Variants in CHCHD5 observed in about 807,000 individuals in gnomAD.
CHCHD5 encodes coiled-coil-helix-coiled-coil-helix domain-containing protein 5.
CHCHD5 carries 10 observed loss-of-function variants against 16.0 expected under a neutral mutation model. The ratio of observed to expected loss-of-function variants is 0.63; its 90% CI spans 0.39 to 1.06. The LOEUF is 1.06. CHCHD5 is among the 50% of genes least tolerant of loss of function. The probability of loss-of-function intolerance (pLI) is 0.01; values close to 1 mark genes in which losing one functional copy is unlikely to be tolerated. For synonymous variants in CHCHD5, 55 were observed against 56.3 expected (o/e 0.98, Z 0.10); for missense variants, 163 against 153.4 (o/e 1.06, Z -0.33).
Position 112,586,215 on chromosome 2 carries a change from G to A in CHCHD5, c.159G>A (p.Gln53=). The change falls in exon 3 of 4, where the codon CAG becomes CAA. Residue 53 remains glutamine (Q), a synonymous_variant. Transcript: ENST00000324913. ...ACCCCCACAGCCCAATCATCCGCCAGATCCGCCAGGCCTGTGCTCAGCCTT... is the reference window on the plus strand; with the variant it reads ...ACCCCCACAGCCCAATCATCCGCCAAATCCGCCAGGCCTGTGCTCAGCCTT... ...QCTSSHPIIR[Q]IRQACAQPFE... is the part of the protein sequence containing the mutation. 6.2e-7 allele frequency: 1 copy of A among 1,610,060 alleles called. No individual in the cohort carries two copies. Among genetic ancestry groups the A allele is most frequent in the East Asian group, 2.2e-5 (1 of 44,746 alleles).
chr2:112,587,195 C>G (rs1685251294), intron 3 of CHCHD5: 1 of 153,890 alleles, frequency 6.5e-6, no homozygotes, highest in African/African-American at 2.4e-5. Flanking sequence ...TCCAGTCATT[C>G]TTGGTGATCA....
chr2:112,586,766 G>T, intron 3 of CHCHD5: 1 of 620,022 alleles, frequency 1.6e-6, no homozygotes, highest in Non-Finnish European at 2.7e-6. Context: ...TTCTTCCCTA[G>T]GCTGACTTCA....
At chr2:112,584,580 A>T (rs1685143963), upstream of CHCHD5, 2 of 1,609,414 alleles carry the variant, frequency 1.2e-6, no homozygotes, top group Non-Finnish European at 1.7e-6. Context: ...GGGCGCCGCC[A>T]TGACAACCGA....
chr2:112,588,934 C>A lies in CHCHD5; in HGVS notation c.*45C>A. 1 of 1,507,234 alleles carries A rather than the reference C, an allele frequency of 6.6e-7. No homozygotes were observed. The highest frequency in any genetic ancestry group is 2.3e-5 in the East Asian group (1 of 44,334). 93.4% of individuals were successfully genotyped at this position (1,507,234 alleles called of 1,614,324 possible). On this transcript the variant is annotated 3_prime_UTR_variant, in exon 4 of 4. Coordinates refer to ENST00000324913, the MANE Select transcript of CHCHD5 (RefSeq NM_032309.4). ...AAAACTGGACATGAATGACTGCCCC[C>A]ACGCCCCTCCCCTGCAGAGTGGCCA...
At chr2:112,584,548 C>T (rs1685141827), upstream of CHCHD5, 1 of 1,510,222 alleles carries the variant, frequency 6.6e-7, no homozygotes, top group Non-Finnish European at 9.2e-7. Flanking sequence ...CAATTGGCTA[C>T]CGGAAAAAAC....
chr2:112,588,696 A>T, intron 3 of CHCHD5, 170 bp from the exon 4 acceptor site: 1 of 583,450 alleles, frequency 1.7e-6, no homozygotes, highest in Non-Finnish European at 3.1e-6. Flanking sequence ...CTCCCATGAC[A>T]CTTCACCACA....
Position 112,589,000 on chromosome 2 carries a change from G to A in CHCHD5, c.*111G>A, listed in dbSNP as rs542082686. 3 of 757,766 alleles carry A rather than the reference G, an allele frequency of 4.0e-6. No homozygotes were observed. The East Asian group carries it at 7.9e-5, about 20-fold the overall frequency. The allele number at this position is 757,766 out of a possible 1,614,324, so 46.9% of individuals were successfully genotyped here. A position where few individuals can be genotyped will look rare whatever the true frequency, so the allele number is the denominator to read the frequency against. ...CCTGGACATGGGCCCGGCTTTCCTG[G>A]ATATCAGGACTTCCAATAAATAAAG... On this transcript the variant is annotated 3_prime_UTR_variant, in exon 4 of 4. Coordinates refer to ENST00000324913, the MANE Select transcript of CHCHD5 (RefSeq NM_032309.4).
rs759283730 is a variant in CHCHD5, at chr2:112,588,872, C to G, written c.316C>G (p.Pro106Ala). 18 of 1,611,632 alleles carry G rather than the reference C, an allele frequency of 1.1e-5. No homozygotes were observed. The highest frequency in any genetic ancestry group is 1.4e-5 in the Non-Finnish European group (17 of 1,178,024). ...PRSPATVEAQPLPAS is the reference protein window; with the variant it reads ...PRSPATVEAQALPAS ...TGATGTACTTTCTCCACAGGCACAG[C>G]CACTTCCTGCCTCCTGAGGACTCCT... Residue 106 changes from proline (P) to alanine (A), a missense_variant, in exon 4 of 4, where the codon CCA (proline) becomes GCA (alanine). Pro to Ala is a conservative substitution (Grantham distance 27). Coordinates refer to ENST00000324913, the MANE Select transcript of CHCHD5 (RefSeq NM_032309.4).
chr2:112,586,856 A>C lies in CHCHD5; in HGVS notation c.309+491A>C, dbSNP rs1350561800. Reference sequence around the variant, plus strand: ...GCAGAGGGGCTGGGCTGGGGTGGCCAAAAAAAGGTCACTCTTTTAAATGTA... The same window carrying C: ...GCAGAGGGGCTGGGCTGGGGTGGCCCAAAAAAGGTCACTCTTTTAAATGTA... On this transcript the variant is annotated intron_variant, in intron 3 of 3. Transcript: ENST00000324913. The C allele has an allele frequency of 1.6e-5, 6 of 376,366 alleles. No homozygotes were observed. In the East Asian group the frequency reaches 2.6e-4, roughly 16 times the overall value. The allele number at this position is 376,366 out of a possible 1,614,324, so 23.3% of individuals were successfully genotyped here.
At position 112,588,907 on chromosome 2, in the gene CHCHD5, G is replaced by C. The variant is rs1261927900; in HGVS notation, c.*18G>C. 2 of 1,605,172 alleles carry C rather than the reference G, an allele frequency of 1.2e-6. No homozygotes were observed. Among genetic ancestry groups the C allele is most frequent in the South Asian group, 2.2e-5 (2 of 90,828 alleles). On this transcript the variant is annotated 3_prime_UTR_variant, in exon 4 of 4. Coordinates refer to ENST00000324913, the MANE Select transcript of CHCHD5 (RefSeq NM_032309.4). ...CCTCCTGAGGACTCCTCTGACGGCAGGAAAACTGGACATGAATGACTGCCC... is the reference window on the plus strand; with the variant it reads ...CCTCCTGAGGACTCCTCTGACGGCACGAAAACTGGACATGAATGACTGCCC...
chr2:112,584,656 A>G lies in CHCHD5; in HGVS notation c.2+7A>G, dbSNP rs1182069653. 2 of 1,613,726 alleles carry G rather than the reference A, an allele frequency of 1.2e-6. No individual in the cohort carries two copies. Among genetic ancestry groups the G allele is most frequent in the Non-Finnish European group, 8.5e-7 (1 of 1,179,930 alleles). On this transcript the variant is annotated splice_region_variant and intron_variant, in intron 1 of 3. Coordinates refer to ENST00000324913, the MANE Select transcript of CHCHD5 (RefSeq NM_032309.4). ...CCGGCAAAGGTCTCGAGATGTGAGTAGTGAGAGCGCCTACCCCATACGTGC... is the reference window on the plus strand; with the variant it reads ...CCGGCAAAGGTCTCGAGATGTGAGTGGTGAGAGCGCCTACCCCATACGTGC...
At chr2:112,585,425 C>T (rs1216538718) in intron 1 of CHCHD5, among the ~76,000 whole-genome samples, 1 of 152,152 alleles carries the variant, frequency 6.6e-6, no homozygotes, top group Non-Finnish European at 1.5e-5. Context: ...ACCCTGAAGG[C>T]CTACCTTACA....
Position 112,589,031 on chromosome 2 carries a change from G to C in CHCHD5, c.*142G>C. 1.5e-6 allele frequency: 1 copy of C among 648,430 alleles called. No individual in the cohort carries two copies. Among genetic ancestry groups the C allele is most frequent in the Non-Finnish European group, 2.8e-6 (1 of 362,794 alleles). 40.2% of individuals were successfully genotyped at this position (648,430 alleles called of 1,614,324 possible). On this transcript the variant is annotated 3_prime_UTR_variant, in exon 4 of 4. Transcript: ENST00000324913. ...AGGACTTCCAATAAATAAAGACTCTGTATACTGGGCTTTGATTCCTGCCAT... is the reference window on the plus strand; with the variant it reads ...AGGACTTCCAATAAATAAAGACTCTCTATACTGGGCTTTGATTCCTGCCAT...
intron 3 of CHCHD5, 159 bp downstream of exon 3, chr2:112,586,524 C>A: frequency 6.5e-7 from 1 of 1,546,014 alleles, no homozygotes; most frequent in Non-Finnish European, 8.7e-7. Flanking sequence ...TCACTTCTTG[C>A]CCCATATAGC....
intron 3 of CHCHD5, chr2:112,586,986 G>A (rs888526251): frequency 5.5e-5 from 9 of 164,980 alleles, no homozygotes; most frequent in Non-Finnish European, 6.6e-5. Context: ...AGGCAGTAAC[G>A]GAAAAAGGTT....
upstream of CHCHD5, chr2:112,584,537 T>C (rs1685141107): frequency 7.2e-7 from 1 of 1,389,656 alleles, no homozygotes; most frequent in African/African-American, 1.4e-5. Flanking sequence ...GGTTGTTAGT[T>C]CAATTGGCTA....
rs768453068 is a variant in CHCHD5, at chr2:112,586,285, G to A, written c.229G>A (p.Gly77Ser). 1.3e-5 allele frequency: 21 copies of A among 1,614,130 alleles called. No homozygotes were observed. The South Asian group carries it at 2.0e-4, about 15-fold the overall frequency. ...TCTTCGACAGAACGAGGCAGCTGTG[G>A]GCAACTGTGCAGAGCATATGCGCCG... is the stretch of plus-strand genomic sequence containing the variant. ...ECLRQNEAAVGNCAEHMRRFL... is the reference protein window; with the variant it reads ...ECLRQNEAAVSNCAEHMRRFL... The change falls in exon 3 of 4, where the codon GGC (glycine) becomes AGC (serine). Residue 77 changes from glycine (G) to serine (S), a missense_variant. By Grantham distance (56) the Gly-to-Ser change is moderately conservative. Coordinates refer to ENST00000324913, the MANE Select transcript of CHCHD5 (RefSeq NM_032309.4).
intron 3 of CHCHD5, chr2:112,588,599 C>T (rs1047216217): frequency 1.7e-5 from 8 of 473,088 alleles, no homozygotes; most frequent in South Asian, 6.3e-5. Context: ...ATTTATTGTC[C>T]GTCTCTCCCT....
intron 3 of CHCHD5, chr2:112,586,577 A>T (rs1419589197): frequency 6.6e-7 from 1 of 1,513,110 alleles, no homozygotes; most frequent in African/African-American, 1.4e-5. Flanking sequence ...CACCTCCAGG[A>T]TACCTGCCCC....
Sources: allele counts gnomAD v4.1 joint callset (sites outside exome capture counted in the v4.1 genomes callset), GRCh38; gene constraint gnomAD v4.1.1; transcripts MANE v1.5; gene names NCBI Gene and HGNC (gene_info 2026-07-23, HGNC 2026-07-21).